DCAF11: variants seen among roughly 807,000 people sequenced by gnomAD.
The protein encoded by DCAF11 is DDB1 and CUL4 associated factor 11, also known as DDB1- and CUL4-associated factor 11.
In DCAF11, 44 loss-of-function variants were observed where a neutral mutation model predicts 76.1. The ratio of observed to expected loss-of-function variants is 0.58; its 90% confidence interval spans 0.45 to 0.74. The LOEUF (loss-of-function observed/expected upper bound fraction) is 0.74, where lower values mean the gene tolerates loss of function less well. Among genes scored for constraint, DCAF11 ranks in the 30% least tolerant of loss-of-function variants. The probability of loss-of-function intolerance (pLI) is 0.00; values close to 1 mark genes in which losing one functional copy is unlikely to be tolerated. For synonymous variants in DCAF11, 258 were observed against 255.0 expected (o/e 1.01, Z -0.11); for missense variants, 604 against 709.4 (o/e 0.85, Z 1.69).
chr14:24,122,477 C>G (rs376304728), intron 13 of DCAF11, among the ~76,000 whole-genome samples: 1 of 136,148 alleles, frequency 7.3e-6, no homozygotes, highest in Admixed American at 8.2e-5. Context: ...GCAACAAGAG[C>G]GAGACTCCAT....
At position 24,120,984 on chromosome 14, in the gene DCAF11, C is replaced by CA. The variant is rs2037681005; in HGVS notation, c.1245dup (p.Ala416SerfsTer35). The CA allele has an allele frequency of 3.1e-6, 5 of 1,613,416 alleles. No homozygotes were observed. Among genetic ancestry groups the CA allele is most frequent in the Non-Finnish European group, 4.2e-6 (5 of 1,179,814 alleles). On this transcript the variant is annotated frameshift_variant, in exon 12 of 15. Transcript: ENST00000446197. LOFTEE classifies it high-confidence loss of function. ...GGGACTATCGGTGGCAGCAAGTGCCCAAAAAAGGTGAGACTGGAAGTACAG... is the reference window on the plus strand; with the variant it reads ...GGGACTATCGGTGGCAGCAAGTGCCCAAAAAAAGGTGAGACTGGAAGTACAG...
chr14:24,122,607 T>A (rs1405651435), intron 13 of DCAF11, among the ~76,000 whole-genome samples: 1 of 151,820 alleles, frequency 6.6e-6, no homozygotes, highest in Non-Finnish European at 1.5e-5. Context: ...AAAAGAAAGA[T>A]GCACCCTGTC....
Position 24,116,870 on chromosome 14 carries a change from G to GT in DCAF11, c.156-44dup, listed in dbSNP as rs775199533. The stretch of plus-strand genomic sequence containing the variant: ...TAGCCATTGACTCTGAATTTGGTTG[G>GT]TTTGGGGGAAGAAGTCCCCTCCTTT... On this transcript the variant is annotated intron_variant, in intron 2 of 14. Transcript: ENST00000446197. 9.3e-6 allele frequency: 15 copies of GT among 1,612,556 alleles called. No homozygotes were observed. In the African/African-American group the frequency reaches 2.0e-4, roughly 22 times the overall value.
At position 24,117,278 on chromosome 14, in the gene DCAF11, C is replaced by T. The variant is rs1175367830; in HGVS notation, c.296C>T (p.Pro99Leu). 6.2e-7 allele frequency: 1 copy of T among 1,614,208 alleles called. No individual in the cohort carries two copies. Among genetic ancestry groups the T allele is most frequent in the Non-Finnish European group, 8.5e-7 (1 of 1,180,026 alleles). The change falls in exon 4 of 15, where the codon CCT becomes CTT. Residue 99 changes from proline (P) to leucine (L), a missense_variant. By Grantham distance (98) the Pro-to-Leu change is moderately conservative (BLOSUM62 -3). Coordinates refer to ENST00000446197, the MANE Select transcript of DCAF11 (RefSeq NM_025230.5). This position sits in a 1 kb window ranked among gnomAD's most constrained non-coding sequence, Gnocchi z 4.3. ...DRYNPPVDATPDTRELEFNEI... is the reference protein window; with the variant it reads ...DRYNPPVDATLDTRELEFNEI... The stretch of plus-strand genomic sequence containing the variant: ...TTGGTACTCACAGTGGATGCTACCC[C>T]TGACACCCGGGAGCTGGAATTCAAT...
chr14:24,120,733 G>C lies in DCAF11; in HGVS notation c.1093-105G>C, dbSNP rs565540677. On this transcript the variant is annotated intron_variant, in intron 11 of 14. Coordinates refer to ENST00000446197, the MANE Select transcript of DCAF11 (RefSeq NM_025230.5). ...ACCTGGATGAAGAGAGGCAAGTAAAGCCAGAGGCCAGAGTTCTTCTGCTCA... is the reference window on the plus strand; with the variant it reads ...ACCTGGATGAAGAGAGGCAAGTAAACCCAGAGGCCAGAGTTCTTCTGCTCA... 126 of 1,409,828 alleles carry C rather than the reference G, an allele frequency of 8.9e-5. No homozygotes were observed. In the South Asian group the frequency reaches 1.1e-3, roughly 12 times the overall value. 87.3% of individuals were successfully genotyped at this position (1,409,828 alleles called of 1,614,324 possible).
Position 24,123,459 on chromosome 14 carries a change from G to A in DCAF11, c.*150G>A. On this transcript the variant is annotated 3_prime_UTR_variant, in exon 15 of 15. Coordinates refer to ENST00000446197, the MANE Select transcript of DCAF11 (RefSeq NM_025230.5). ...GGCTCTGAGCCTCAGCTGAGCCCTGGAAGATTCTCCCCATGGGGCAGAGTG... is the reference window on the plus strand; with the variant it reads ...GGCTCTGAGCCTCAGCTGAGCCCTGAAAGATTCTCCCCATGGGGCAGAGTG... The A allele has an allele frequency of 1.6e-6, 2 of 1,258,892 alleles. No individual in the cohort carries two copies. Among genetic ancestry groups the A allele is most frequent in the South Asian group, 2.2e-5 (1 of 46,128 alleles). The allele number at this position is 1,258,892 out of a possible 1,614,324, so 78.0% of individuals were successfully genotyped here. A position where few individuals can be genotyped will look rare whatever the true frequency, so the allele number is the denominator to read the frequency against.
At chr14:24,120,264 A>C (rs1175500073) in intron 11 of DCAF11, among the ~76,000 whole-genome samples, 4 of 152,172 alleles carry the variant, frequency 2.6e-5, no homozygotes, top group South Asian at 2.1e-4. Flanking sequence ...AAAACAAAAA[A>C]AAAAAACTAA....
Position 24,117,864 on chromosome 14 carries a change from T to G in DCAF11, c.476+132T>G. 1 of 1,037,398 alleles carries G rather than the reference T, an allele frequency of 9.6e-7. No individual in the cohort carries two copies. Among genetic ancestry groups the G allele is most frequent in the Non-Finnish European group, 1.4e-6 (1 of 705,376 alleles). 64.3% of individuals were successfully genotyped at this position (1,037,398 alleles called of 1,614,324 possible). ...TTAAATGGGGTTGAAACTTTGAGAG[T>G]AAACAAAGTAGAAAAGTGTAGAAAA... On this transcript the variant is annotated intron_variant, in intron 5 of 14. Transcript: ENST00000446197. This position sits in a 1 kb window ranked among gnomAD's most constrained non-coding sequence, Gnocchi z 4.3.
In DCAF11 at chr14:24,118,029, C is replaced by T. The variant is rs183350518; in HGVS notation, c.477-26C>T. 47 of 1,509,588 alleles carry T rather than the reference C, an allele frequency of 3.1e-5. No individual in the cohort carries two copies. The East Asian group carries it at 9.9e-4, about 32-fold the overall frequency. 93.5% of individuals were successfully genotyped at this position (1,509,588 alleles called of 1,614,324 possible). A position where few individuals can be genotyped will look rare whatever the true frequency, so the allele number is the denominator to read the frequency against. On this transcript the variant is annotated intron_variant, in intron 5 of 14. Transcript: ENST00000446197. The stretch of plus-strand genomic sequence containing the variant: ...CACTCCTTATCCTGAGCACCCCTCA[C>T]CCTCACTTTCTCTCTCCTTCCCTAG...
At position 24,125,175 on chromosome 14, in the gene DCAF11, T is replaced by TG. The variant is rs2037759846; in HGVS notation, c.*1866_*1867insG. 1 of 152,180 alleles carries TG rather than the reference T, an allele frequency of 6.6e-6. No homozygotes were observed. The highest frequency in any genetic ancestry group is 2.1e-4 in the South Asian group (1 of 4,830). The allele number at this position is 152,180 out of a possible 1,614,324, so 9.4% of individuals were successfully genotyped here. On this transcript the variant is annotated 3_prime_UTR_variant, in exon 15 of 15. Transcript: ENST00000446197. ...GCGGTGAGCCGTGATTGTGCCAATG[T>TG]ACTCCAGCCTAGGTGACAGAGTGAG...
intron 2 of DCAF11, 98 bp from the exon 3 acceptor site, chr14:24,116,819 G>A: frequency 6.4e-6 from 10 of 1,551,894 alleles, no homozygotes; most frequent in African/African-American, 1.4e-5. Context: ...ACCTCAAAAT[G>A]AGTACCAAGT....
At chr14:24,115,955 A>G (rs1448814421) in intron 2 of DCAF11, among the ~76,000 whole-genome samples, 1 of 152,106 alleles carries the variant, frequency 6.6e-6, no homozygotes, top group Non-Finnish European at 1.5e-5. Context: ...AGGGTCACCA[A>G]GAGGACCTGC....
At position 24,115,307 on chromosome 14, in the gene DCAF11, A is replaced by G. The variant is rs946971889; in HGVS notation, c.-214+14A>G. 3 of 284,146 alleles carry G rather than the reference A, an allele frequency of 1.1e-5. No individual in the cohort carries two copies. The highest frequency in any genetic ancestry group is 4.4e-5 in the African/African-American group (2 of 45,446). 17.6% of individuals were successfully genotyped at this position (284,146 alleles called of 1,614,324 possible). ...GGACTTCGATAGGTGAGTTTGGTGT[A>G]GAAAACAAATCTTTCTTCAGTTGGT... is the stretch of plus-strand genomic sequence containing the variant. On this transcript the variant is annotated intron_variant, in intron 1 of 14. Coordinates refer to ENST00000446197, the MANE Select transcript of DCAF11 (RefSeq NM_025230.5).
At chr14:24,118,987 G>T in intron 8 of DCAF11, 158 bp from the exon 9 acceptor site, 2 of 1,159,010 alleles carry the variant, frequency 1.7e-6, no homozygotes, top group Non-Finnish European at 2.5e-6. Flanking sequence ...ATGGTTGCAG[G>T]ATGATTTCTG....
chr14:24,119,690 C>G, intron 10 of DCAF11, 21 bp from the exon 11 acceptor site: 1 of 1,614,176 alleles, frequency 6.2e-7, no homozygotes, highest in Non-Finnish European at 8.5e-7. Context: ...GGTCTTATAT[C>G]CTGGCCTCCT....
At position 24,121,048 on chromosome 14, in the gene DCAF11, A is replaced by G; in HGVS notation, c.1246+57A>G. ...GTCTGTAGCCTGGGAGCCCTGGAGG[A>G]CCTCCCCCTCAGCCCTCTTTGCCAG... is the stretch of plus-strand genomic sequence containing the variant. On this transcript the variant is annotated intron_variant, in intron 12 of 14. Coordinates refer to ENST00000446197, the MANE Select transcript of DCAF11 (RefSeq NM_025230.5). The G allele has an allele frequency of 1.9e-6, 3 of 1,597,902 alleles. No individual in the cohort carries two copies. The Admixed American group carries it at 5.1e-5, about 27-fold the overall frequency.
chr14:24,118,625 G>A lies in DCAF11; in HGVS notation c.724+91G>A, dbSNP rs370333292. 142 of 1,595,652 alleles carry A rather than the reference G, an allele frequency of 8.9e-5. No individual in the cohort carries two copies. The African/African-American group carries it at 1.8e-3, about 21-fold the overall frequency. On this transcript the variant is annotated intron_variant, in intron 7 of 14. Coordinates refer to ENST00000446197, the MANE Select transcript of DCAF11 (RefSeq NM_025230.5). ...CCTCTGAGCCAGGATCCCTCACTTT[G>A]TCCTGGGAAAATCACTCCCAAAGTG...
rs2037752018 is a variant in DCAF11, at chr14:24,124,836, G to A, written c.*1527G>A. 6.6e-6 allele frequency: 1 copy of A among 152,260 alleles called. No homozygotes were observed. Among genetic ancestry groups the A allele is most frequent in the South Asian group, 2.1e-4 (1 of 4,832 alleles). 9.4% of individuals were successfully genotyped at this position (152,260 alleles called of 1,614,324 possible). A position where few individuals can be genotyped will look rare whatever the true frequency, so the allele number is the denominator to read the frequency against. On this transcript the variant is annotated 3_prime_UTR_variant, in exon 15 of 15. Coordinates refer to ENST00000446197, the MANE Select transcript of DCAF11 (RefSeq NM_025230.5). ...ATAGGTGGATCACCTGAAGTCAGGT[G>A]TTTGAGACCAGCCTGGCCAACATGG...
chr14:24,119,093 A>ATT, intron 8 of DCAF11, 52 bp from the exon 9 acceptor site: 1 of 1,609,584 alleles, frequency 6.2e-7, no homozygotes. Context: ...TTTTATGTAG[A>ATT]TTAACAAAAG....
Sources: gnomAD v4.1 joint callset for allele counts (sites outside exome capture counted in the v4.1 genomes callset) on GRCh38, gnomAD v4.1.1 for gene constraint, Gnocchi (gnomAD v3.1) non-coding constraint, MANE v1.5 for transcripts, NCBI Gene and HGNC (gene_info 2026-07-23, HGNC 2026-07-21) for gene names.